Variants in DPP6 observed in about 807,000 individuals in gnomAD.
DPP6 encodes A-type potassium channel modulatory protein DPP6.
A neutral mutation model predicts 122.6 loss-of-function variants in DPP6; 69 were observed. The ratio of observed to expected loss-of-function variants is 0.56; its 90% CI spans 0.46 to 0.69. DPP6 has a LOEUF of 0.69. Among genes scored for constraint, DPP6 ranks in the 30% least tolerant of loss-of-function variants. The pLI, the probability that DPP6 is intolerant of heterozygous loss-of-function variation, is 0.00. For missense variants in DPP6, 928 were observed against 1,116.9 expected, an observed-to-expected ratio of 0.83 and a Z score of 2.41; for synonymous variants, 418 against 433.1, an observed-to-expected ratio of 0.97 and a Z score of 0.43.
chr7:153,761,398 C>T, the DPP6 span, among the ~76,000 whole-genome samples: 1 of 152,160 alleles, frequency 6.6e-6, no homozygotes, highest in African/African-American at 2.4e-5. Flanking sequence ...CTAAGACAAA[C>T]CCATACTCTG....
chr7:154,676,678 CAG>C (rs1452506222), intron 7 of DPP6, among the ~76,000 whole-genome samples: 2 of 152,208 alleles, frequency 1.3e-5, no homozygotes, highest in Non-Finnish European at 2.9e-5. Context: ...TTTAAGGAAC[CAG>C]AGAGACCGGA....
chr7:154,267,461 AT>A (rs1803497882), intron 1 of DPP6, among the ~76,000 whole-genome samples: 1 of 125,328 alleles, frequency 8.0e-6, no homozygotes, highest in Non-Finnish European at 1.8e-5. Context: ...GTGTGTATAT[AT>A]TTATCTCTTA....
chr7:154,767,212 A>C (rs1373242237), intron 8 of DPP6, among the ~76,000 whole-genome samples: 1 of 151,976 alleles, frequency 6.6e-6, no homozygotes, highest in South Asian at 2.1e-4. Context: ...TCCTCTGCTG[A>C]TTTCTGTGGG....
At chr7:154,689,564 A>C (rs1314190680) in intron 7 of DPP6, among the ~76,000 whole-genome samples, 2 of 152,044 alleles carry the variant, frequency 1.3e-5, no homozygotes, top group African/African-American at 4.8e-5. Flanking sequence ...AGATTTTTTT[A>C]ACATATTTTC....
chr7:153,767,887 T>G, the DPP6 span, among the ~76,000 whole-genome samples: 1 of 152,138 alleles, frequency 6.6e-6, no homozygotes, highest in African/African-American at 2.4e-5. Context: ...AACGGATGTG[T>G]CCCCGTGGCA....
At chr7:154,770,683 G>C (rs1439714750) in intron 9 of DPP6, among the ~76,000 whole-genome samples, 5 of 152,178 alleles carry the variant, frequency 3.3e-5, no homozygotes, top group African/African-American at 1.2e-4. Flanking sequence ...GCCTAGAGGG[G>C]CCAAGACAGT....
intron 1 of DPP6, among the ~76,000 whole-genome samples, chr7:154,199,382 C>G (rs1585612593): frequency 6.6e-6 from 1 of 152,154 alleles, no homozygotes; most frequent in East Asian, 1.9e-4. Flanking sequence ...ATTGCCTCAC[C>G]TGGTTTCCAC....
intron 1 of DPP6, among the ~76,000 whole-genome samples, chr7:154,329,463 G>GCAAGTGAAAAC (rs1317030763): frequency 6.6e-6 from 1 of 152,236 alleles, no homozygotes; most frequent in East Asian, 1.9e-4. Flanking sequence ...TTAGAGAAAT[G>GCAAGTGAAAAC]CAAGTGAAAA....
chr7:154,677,715 T>TGCA (rs1839003171), intron 7 of DPP6, among the ~76,000 whole-genome samples: 1 of 152,188 alleles, frequency 6.6e-6, no homozygotes, highest in Non-Finnish European at 1.5e-5. Flanking sequence ...TGGGTGGCAC[T>TGCA]GCAGCAGCAG....
chr7:154,376,943 C>T (rs1427797730), intron 1 of DPP6, among the ~76,000 whole-genome samples: 1 of 152,138 alleles, frequency 6.6e-6, no homozygotes, highest in African/African-American at 2.4e-5. Context: ...GATTCTGTAT[C>T]CTGTTCCTTA....
At chr7:154,131,227 C>A (rs1007027234) in intron 1 of DPP6, among the ~76,000 whole-genome samples, 2 of 152,058 alleles carry the variant, frequency 1.3e-5, no homozygotes, top group South Asian at 4.1e-4. Context: ...GATTTAGAAG[C>A]TATTTTAAGC....
At chr7:153,889,957 T>C (rs1799115377) in intron 1 of DPP6, among the ~76,000 whole-genome samples, 1 of 152,224 alleles carries the variant, frequency 6.6e-6, no homozygotes, top group Non-Finnish European at 1.5e-5. Context: ...AGTTGAGTGA[T>C]CATTTAGGAC....
intron 1 of DPP6, among the ~76,000 whole-genome samples, chr7:154,363,772 T>C (rs1452462592): frequency 6.6e-6 from 1 of 152,256 alleles, no homozygotes; most frequent in Admixed American, 6.5e-5. Flanking sequence ...GCTCTTATTT[T>C]TATTTAGCCT....
intron 1 of DPP6, among the ~76,000 whole-genome samples, chr7:153,917,669 C>T (rs1178388900): frequency 3.9e-5 from 6 of 152,186 alleles, no homozygotes; most frequent in Non-Finnish European, 2.9e-5. Flanking sequence ...ACGTTTACAG[C>T]ACCTTCTCGA....
chr7:154,649,313 G>A (rs538489636), intron 6 of DPP6, among the ~76,000 whole-genome samples: 21 of 152,150 alleles, frequency 1.4e-4, no homozygotes, highest in African/African-American at 4.3e-4. Flanking sequence ...TTTCTAATTC[G>A]GGGCTAGTAT....
At chr7:154,023,318 G>GCACACA (rs1554436897) in intron 1 of DPP6, among the ~76,000 whole-genome samples, 19,131 of 129,326 alleles carry the variant, frequency 0.15, 1,570 homozygotes, top group Non-Finnish European at 0.18. Context: ...TTTCTTGTCT[G>GCACACA]CACACACACA....
chr7:153,809,980 C>T, the DPP6 span, among the ~76,000 whole-genome samples: 2,611 of 146,260 alleles, frequency 0.018, 71 homozygotes, highest in African/African-American at 0.065. Context: ...TCTCCAGTGC[C>T]TTAAAGAAGC....
intron 7 of DPP6, among the ~76,000 whole-genome samples, chr7:154,718,444 G>A (rs180987571): frequency 1.3e-5 from 2 of 151,916 alleles, no homozygotes; most frequent in Middle Eastern, 3.2e-3. Flanking sequence ...AGAAATTGGG[G>A]TCTAATTTCA....
At chr7:154,829,094 A>G (rs1800416987) in intron 16 of DPP6, among the ~76,000 whole-genome samples, 1 of 152,168 alleles carries the variant, frequency 6.6e-6, no homozygotes, top group Admixed American at 6.5e-5. Flanking sequence ...AGAAAAACAG[A>G]CCAAGAGGCT....
Sources: allele counts gnomAD v4.1 joint callset (sites outside exome capture counted in the v4.1 genomes callset), GRCh38; gene constraint gnomAD v4.1.1; transcripts MANE v1.5; gene names NCBI Gene and HGNC (gene_info 2026-07-23, HGNC 2026-07-21).